Variants in VTI1A observed in about 807,000 individuals in gnomAD.
VTI1A encodes vesicle transport through interaction with t-SNAREs 1A.
A neutral mutation model predicts 34.9 loss-of-function variants in VTI1A; 22 were observed. The ratio of observed to expected loss-of-function variants is 0.63; its 90% CI spans 0.45 to 0.90. VTI1A has a LOEUF of 0.90. VTI1A is among the 40% of genes least tolerant of loss of function. The probability of loss-of-function intolerance (pLI) is 0.00; values close to 1 mark genes in which losing one functional copy is unlikely to be tolerated. For missense variants in VTI1A, 268 were observed against 275.6 expected (o/e 0.97, Z 0.20); for synonymous variants, 87 against 97.3 (o/e 0.89, Z 0.62).
intron 5 of VTI1A, among the ~76,000 whole-genome samples, chr10:112,600,801 T>C (rs1368495897): frequency 6.6e-6 from 1 of 152,376 alleles, no homozygotes. Flanking sequence ...AAATGTTTAA[T>C]GTTTGATGTG....
intron 5 of VTI1A, among the ~76,000 whole-genome samples, chr10:112,661,225 C>G (rs546410822): frequency 6.6e-6 from 1 of 152,196 alleles, no homozygotes; most frequent in Non-Finnish European, 1.5e-5. Context: ...TCAAGTGATC[C>G]GCCCTCCTCG....
intron 1 of VTI1A, among the ~76,000 whole-genome samples, chr10:112,451,390 C>G (rs1219288311): frequency 9.9e-5 from 15 of 152,212 alleles, no homozygotes; most frequent in Admixed American, 9.8e-4. Context: ...GTAAGATTAG[C>G]TAGGACCCCG....
At chr10:112,854,110 G>A in the VTI1A span, among the ~76,000 whole-genome samples, 1 of 152,150 alleles carries the variant, frequency 6.6e-6, no homozygotes, top group African/African-American at 2.4e-5. Flanking sequence ...TACTGAGCCA[G>A]GTCTCCAGGG....
rs146503527 is a variant in VTI1A, at chr10:112,816,631, G to A, written c.*1248G>A. Reference sequence around the variant, plus strand: ...CTTAAAAGTTGCCCAAGCTGAGGTCGTTTCCCCCCAGTCACAAAGCAGAAT... The same window carrying A: ...CTTAAAAGTTGCCCAAGCTGAGGTCATTTCCCCCCAGTCACAAAGCAGAAT... On this transcript the variant is annotated 3_prime_UTR_variant, in exon 8 of 8. Coordinates refer to ENST00000393077, the MANE Select transcript of VTI1A (RefSeq NM_145206.4). 1,291 of 226,774 alleles carry A rather than the reference G, an allele frequency of 5.7e-3. 8 individuals carry two copies. The highest frequency in any genetic ancestry group is 0.048 in the Middle Eastern group (36 of 752). 14.0% of individuals were successfully genotyped at this position (226,774 alleles called of 1,614,324 possible).
At chr10:112,707,504 T>G (rs2133912964) in intron 7 of VTI1A, among the ~76,000 whole-genome samples, 1 of 152,210 alleles carries the variant, frequency 6.6e-6, no homozygotes, top group South Asian at 2.1e-4. Flanking sequence ...TGGCTAATTT[T>G]TGTATTTTTA....
the VTI1A span, among the ~76,000 whole-genome samples, chr10:112,830,849 A>ATATATATATATATATATATATTTTTT: frequency 3.0e-4 from 10 of 33,492 alleles, no homozygotes; most frequent in African/African-American, 4.3e-4. Context: ...ATATATATAT[A>ATATATATATATATATATATATTTTTT]TTTTTTTTTT....
At chr10:112,834,005 C>G in the VTI1A span, among the ~76,000 whole-genome samples, 9 of 152,200 alleles carry the variant, frequency 5.9e-5, no homozygotes, top group African/African-American at 1.7e-4. Flanking sequence ...GCTGCTTGCT[C>G]TCTGGCTGGG....
intron 5 of VTI1A, among the ~76,000 whole-genome samples, chr10:112,606,137 G>A (rs1200874500): frequency 2.0e-5 from 3 of 150,588 alleles, no homozygotes; most frequent in African/African-American, 7.4e-5. Context: ...CAATTCTCCT[G>A]CCTCAGCCTT....
intron 3 of VTI1A, among the ~76,000 whole-genome samples, chr10:112,490,977 CTTAAGT>C (rs2134124393): frequency 6.6e-6 from 1 of 152,154 alleles, no homozygotes; most frequent in South Asian, 2.1e-4. Flanking sequence ...ATTTCTTTCC[CTTAAGT>C]TTATTTCTGT....
chr10:112,674,319 T>C (rs1265557811), intron 7 of VTI1A, among the ~76,000 whole-genome samples: 1 of 152,204 alleles, frequency 6.6e-6, no homozygotes, highest in East Asian at 1.9e-4. Context: ...TATAGATTCT[T>C]TGGACTTAAC....
At chr10:112,694,597 T>C (rs1440984563) in intron 7 of VTI1A, among the ~76,000 whole-genome samples, 1 of 151,840 alleles carries the variant, frequency 6.6e-6, no homozygotes, top group Non-Finnish European at 1.5e-5. Context: ...TTTTTACTTC[T>C]AACCTCCTTT....
chr10:112,592,378 CA>C (rs1222352674), intron 5 of VTI1A, among the ~76,000 whole-genome samples: 4 of 152,176 alleles, frequency 2.6e-5, no homozygotes, highest in Non-Finnish European at 5.9e-5. Flanking sequence ...GCCCTTCCCC[CA>C]CCATTGCTAA....
At chr10:112,800,291 C>T (rs956050435) in intron 7 of VTI1A, among the ~76,000 whole-genome samples, 21 of 152,206 alleles carry the variant, frequency 1.4e-4, no homozygotes, top group African/African-American at 4.8e-4. Flanking sequence ...AGTAGCTCAG[C>T]CTGGACCGGA....
intron 7 of VTI1A, among the ~76,000 whole-genome samples, chr10:112,696,165 T>C (rs554873617): frequency 6.6e-6 from 1 of 152,014 alleles, no homozygotes; most frequent in Non-Finnish European, 1.5e-5. Context: ...AAGGACTGTA[T>C]CTCCATCAGA....
At chr10:112,795,503 C>T (rs758299732) in intron 7 of VTI1A, among the ~76,000 whole-genome samples, 1 of 146,506 alleles carries the variant, frequency 6.8e-6, no homozygotes, top group Non-Finnish European at 1.5e-5. Flanking sequence ...GGCACAGTCT[C>T]AGCTCACTGC....
At chr10:112,828,866 C>A in the VTI1A span, among the ~76,000 whole-genome samples, 93,475 of 146,350 alleles carry the variant, frequency 0.64, 30,086 homozygotes, top group South Asian at 0.74. Context: ...AAAAAAAAAA[C>A]AAACCACACA....
At chr10:112,494,853 T>TA (rs1449015973) in intron 3 of VTI1A, among the ~76,000 whole-genome samples, 1 of 152,174 alleles carries the variant, frequency 6.6e-6, no homozygotes, top group East Asian at 1.9e-4. Context: ...TTTAAAGCTC[T>TA]AAATTTTCCC....
At chr10:112,776,270 G>C (rs923380500) in intron 7 of VTI1A, among the ~76,000 whole-genome samples, 5 of 152,152 alleles carry the variant, frequency 3.3e-5, no homozygotes, top group African/African-American at 4.8e-5. Flanking sequence ...AGCTTTCAGC[G>C]GGATCACTGG....
intron 5 of VTI1A, among the ~76,000 whole-genome samples, chr10:112,539,164 G>A (rs1336351242): frequency 1.3e-5 from 2 of 152,088 alleles, no homozygotes; most frequent in Non-Finnish European, 2.9e-5. Context: ...TCTATTTTGT[G>A]TATTTTGGAT....
Sources: allele counts gnomAD v4.1 joint callset (sites outside exome capture counted in the v4.1 genomes callset), GRCh38; gene constraint gnomAD v4.1.1; transcripts MANE v1.5; gene names NCBI Gene and HGNC (gene_info 2026-07-23, HGNC 2026-07-21).